DNAAF11: variants seen among roughly 807,000 people sequenced by gnomAD.
DNAAF11 encodes the protein dynein axonemal assembly factor 11, also known as leucine rich repeat containing 6.
In DNAAF11, 45 loss-of-function variants were observed where a neutral mutation model predicts 60.8. The ratio of observed to expected loss-of-function variants is 0.74; its 90% CI spans 0.58 to 0.95. DNAAF11 has a LOEUF of 0.95. Ranked by LOEUF, DNAAF11 falls within the 40% of genes least tolerant of loss-of-function variation. The pLI, the probability that DNAAF11 is intolerant of heterozygous loss-of-function variation, is 0.00. For missense variants in DNAAF11, 546 were observed against 546.2 expected, an observed-to-expected ratio of 1.00 and a Z score of 0.00; for synonymous variants, 191 against 183.5, an observed-to-expected ratio of 1.04 and a Z score of -0.33.
Position 132,657,181 on chromosome 8 carries a change from T to G in DNAAF11, c.179-274A>C, listed in dbSNP as rs199712663. Among the ~76,000 whole-genome samples the G allele has an allele frequency of 2.7e-4, 41 of 152,246 alleles. No homozygotes were observed. The East Asian group carries it at 4.5e-3, about 17-fold the overall frequency. ...GTTAGGTTTAGCCAAGCTGGGCCAG[T>G]GCATGACAATCCAATCTCTCTTGCT... On this transcript the variant is annotated intron_variant, in intron 2 of 11. Transcript: ENST00000620350.
chr8:132,683,648 C>A, the DNAAF11 span, among the ~76,000 whole-genome samples: 1 of 152,218 alleles, frequency 6.6e-6, no homozygotes, highest in Non-Finnish European at 1.5e-5. Flanking sequence ...GGAGACCAAG[C>A]CTTCAGGTTC....
At chr8:132,699,569 G>A in the DNAAF11 span, among the ~76,000 whole-genome samples, 1 of 152,096 alleles carries the variant, frequency 6.6e-6, no homozygotes, top group Non-Finnish European at 1.5e-5. Flanking sequence ...CCTGGAATAA[G>A]TTGCTCCCTT....
rs1824136311 is a variant in DNAAF11 at position 132,661,563 on chromosome 8, T to A, written c.75A>T (p.Glu25Asp). The change falls in exon 2 of 12, where the codon GAA becomes GAT. Residue 25 changes from glutamate to aspartate, a missense_variant. Physicochemically the swap from Glu to Asp is conservative, Grantham distance 45 (BLOSUM62 2). Transcript: ENST00000620350. ...CTATTTCTTGCTGATGCAACGAGAGTTCCTCCAGGGAAAAAATGACACAGT... is the reference window on the plus strand; with the variant it reads ...CTATTTCTTGCTGATGCAACGAGAGATCCTCCAGGGAAAAAATGACACAGT... ...HNDCVIFSLE[E>D]LSLHQQEIER... 6.2e-7 allele frequency: 1 copy of A among 1,613,916 alleles called. No individual in the cohort carries two copies. Among genetic ancestry groups the A allele is most frequent in the Admixed American group, 1.7e-5 (1 of 60,004 alleles).
At chr8:132,600,166 T>C (rs1817459232) in intron 10 of DNAAF11, among the ~76,000 whole-genome samples, 1 of 152,124 alleles carries the variant, frequency 6.6e-6, no homozygotes, top group Non-Finnish European at 1.5e-5. Context: ...TGAACTCCCA[T>C]TCACAATTGC....
At chr8:132,684,311 G>A in the DNAAF11 span, among the ~76,000 whole-genome samples, 92 of 152,310 alleles carry the variant, frequency 6.0e-4, no homozygotes, top group African/African-American at 2.1e-3. Flanking sequence ...AGATATATGG[G>A]ATAGAGTCCA....
chr8:132,637,136 G>A (rs1586652915), intron 4 of DNAAF11, among the ~76,000 whole-genome samples: 1 of 152,196 alleles, frequency 6.6e-6, no homozygotes, highest in Non-Finnish European at 1.5e-5. Flanking sequence ...TGGTATAAGA[G>A]TAACATACGC....
chr8:132,684,079 C>G, the DNAAF11 span, among the ~76,000 whole-genome samples: 11 of 152,160 alleles, frequency 7.2e-5, no homozygotes, highest in Non-Finnish European at 1.5e-4. Context: ...TTTGGTGCAG[C>G]TACAGCAAAT....
intron 1 of DNAAF11, among the ~76,000 whole-genome samples, chr8:132,662,100 A>G (rs2130819798): frequency 6.6e-6 from 1 of 152,346 alleles, no homozygotes; most frequent in South Asian, 2.1e-4. Context: ...CATTCATTTA[A>G]CCAATGTTTA....
At chr8:132,584,580 A>T (rs1325892752) in intron 10 of DNAAF11, among the ~76,000 whole-genome samples, 2 of 152,148 alleles carry the variant, frequency 1.3e-5, no homozygotes, top group African/African-American at 4.8e-5. Context: ...CTCTCTTCTC[A>T]TGTTGCCTGG....
intron 3 of DNAAF11, among the ~76,000 whole-genome samples, chr8:132,646,810 T>A (rs971198025): frequency 6.6e-6 from 1 of 152,150 alleles, no homozygotes; most frequent in Non-Finnish European, 1.5e-5. Flanking sequence ...TAAATATATA[T>A]GCACCCAATA....
intron 1 of DNAAF11, among the ~76,000 whole-genome samples, chr8:132,664,148 C>T (rs573476174): frequency 2.0e-5 from 3 of 152,314 alleles, no homozygotes; most frequent in East Asian, 3.9e-4. Flanking sequence ...TATACTCTTG[C>T]CCCAGATTCT....
rs188607211 is a variant in DNAAF11, at chr8:132,625,905, C to A, written c.654-451G>T. ...GATGATCAGACAAGAAATCACCCCA[C>A]TTCTAATCTTGTACCTGTCAATTAC... On this transcript the variant is annotated intron_variant, in intron 5 of 11. Transcript: ENST00000620350. Among the ~76,000 whole-genome samples, 19 of 152,288 alleles carry A rather than the reference C, an allele frequency of 1.2e-4. No homozygotes were observed. The East Asian group carries it at 3.5e-3, about 28-fold the overall frequency.
the DNAAF11 span, among the ~76,000 whole-genome samples, chr8:132,686,854 T>C: frequency 1.3e-5 from 2 of 152,194 alleles, no homozygotes; most frequent in Non-Finnish European, 2.9e-5. Context: ...TGGAGCATGT[T>C]AAGTTTTTGA....
At chr8:132,696,473 A>C in the DNAAF11 span, among the ~76,000 whole-genome samples, 1 of 152,214 alleles carries the variant, frequency 6.6e-6, no homozygotes, top group African/African-American at 2.4e-5. Flanking sequence ...TGAATTTCAT[A>C]GCAGCATTTT....
At chr8:132,676,137 A>T (rs529332942), upstream of DNAAF11, among the ~76,000 whole-genome samples, 1 of 152,310 alleles carries the variant, frequency 6.6e-6, no homozygotes, top group African/African-American at 2.4e-5. Flanking sequence ...TTTCCGGCTA[A>T]CAAGCTTTCC....
intron 5 of DNAAF11, among the ~76,000 whole-genome samples, chr8:132,629,339 CTCTT>C (rs1820578055): frequency 6.8e-6 from 1 of 147,504 alleles, no homozygotes; most frequent in Admixed American, 6.7e-5. Flanking sequence ...GATACCCATT[CTCTT>C]TTTTTTTTTC....
chr8:132,686,720 T>TA, the DNAAF11 span, among the ~76,000 whole-genome samples: 2 of 152,120 alleles, frequency 1.3e-5, no homozygotes, highest in African/African-American at 4.8e-5. Context: ...CCCTGGAACT[T>TA]ACTTTGAGAA....
intron 3 of DNAAF11, among the ~76,000 whole-genome samples, chr8:132,646,673 C>T (rs1822422664): frequency 6.6e-6 from 1 of 151,778 alleles, no homozygotes; most frequent in East Asian, 1.9e-4. Context: ...CAAAACAAAA[C>T]AAAAAGCAAG....
At chr8:132,683,703 T>C in the DNAAF11 span, among the ~76,000 whole-genome samples, 1 of 152,188 alleles carries the variant, frequency 6.6e-6, no homozygotes, top group Non-Finnish European at 1.5e-5. Context: ...CTTGCTGCTA[T>C]TGATAGTTTC....
Sources: allele counts gnomAD v4.1 joint callset (sites outside exome capture counted in the v4.1 genomes callset), GRCh38; gene constraint gnomAD v4.1.1; transcripts MANE v1.5; gene names NCBI Gene and HGNC (gene_info 2026-07-23, HGNC 2026-07-21).